MYO16: variants seen among roughly 807,000 people sequenced by gnomAD.
The protein encoded by MYO16 is myosin XVI, also known as unconventional myosin-XVI.
Under a neutral mutation model 205.3 loss-of-function variants are expected in MYO16, and 94 were observed. The ratio of observed to expected loss-of-function variants is 0.46; its 90% CI spans 0.39 to 0.54. The LOEUF (loss-of-function observed/expected upper bound fraction) is 0.54. Ranked by LOEUF, MYO16 falls within the 20% of genes least tolerant of loss-of-function variation. The pLI is 0.00. For missense variants in MYO16, 2,315 were observed against 2,387.5 expected, an observed-to-expected ratio of 0.97 and a Z score of 0.63; for synonymous variants, 988 against 954.0, an observed-to-expected ratio of 1.04 and a Z score of -0.66.
chr13:108,568,056 CTG>C, the MYO16 span, among the ~76,000 whole-genome samples: 15 of 152,178 alleles, frequency 9.9e-5, no homozygotes, highest in Non-Finnish European at 2.2e-4. Flanking sequence ...GTTTTTAACA[CTG>C]TATTCAGTAT....
At chr13:109,040,220 A>G (rs568527665) in intron 23 of MYO16, among the ~76,000 whole-genome samples, 2 of 152,114 alleles carry the variant, frequency 1.3e-5, no homozygotes, top group South Asian at 4.1e-4. Flanking sequence ...AGATTGTTTC[A>G]CTGGAGAATT....
At chr13:108,761,153 A>G (rs4578514) in intron 4 of MYO16, among the ~76,000 whole-genome samples, 83,742 of 152,002 alleles carry the variant, frequency 0.55, 23,290 homozygotes, top group East Asian at 0.63. Context: ...CAGGGCTCCA[A>G]GCCAAGTGCA....
intron 16 of MYO16, among the ~76,000 whole-genome samples, chr13:108,914,129 ATATG>A (rs1285048624): frequency 6.7e-6 from 1 of 149,212 alleles, no homozygotes; most frequent in African/African-American, 2.4e-5. Context: ...TATTGTTAAT[ATATG>A]TATTATATAT....
chr13:108,516,070 C>G, the MYO16 span, among the ~76,000 whole-genome samples: 1 of 147,268 alleles, frequency 6.8e-6, no homozygotes, highest in Non-Finnish European at 1.5e-5. Flanking sequence ...CGCCCCTCCC[C>G]CAGCCTCGTT....
chr13:108,955,159 A>G lies in MYO16; in HGVS notation c.1926-2529A>G, dbSNP rs143306279. Among the ~76,000 whole-genome samples, 704 of 152,282 alleles carry G rather than the reference A, an allele frequency of 4.6e-3. 4 individuals are homozygous for G. Among genetic ancestry groups the G allele is most frequent in the African/African-American group, 0.016 (646 of 41,548 alleles). The stretch of plus-strand genomic sequence containing the variant: ...TGAGATGGCACCAGCCTTCAGGGTC[A>G]TGTTTGTCACCTTACCTGTGTCGTC... On this transcript the variant is annotated intron_variant, in intron 16 of 34. Transcript: ENST00000457511.
intron 28 of MYO16, among the ~76,000 whole-genome samples, chr13:109,110,596 C>G (rs1311976996): frequency 6.6e-6 from 1 of 152,164 alleles, no homozygotes; most frequent in Non-Finnish European, 1.5e-5. Flanking sequence ...ACAAAGAGAA[C>G]ATGTATTTTC....
chr13:109,127,935 TATG>T lies in MYO16; in HGVS notation c.4051+388_4051+390del, dbSNP rs1477388501. Among the ~76,000 whole-genome samples, 5 of 151,384 alleles carry T rather than the reference TATG, an allele frequency of 3.3e-5. No individual in the cohort carries two copies. Among genetic ancestry groups the T allele is most frequent in the Non-Finnish European group, 7.4e-5 (5 of 67,880 alleles). On this transcript the variant is annotated intron_variant, in intron 31 of 34. Coordinates refer to ENST00000457511, the MANE Select transcript of MYO16 (RefSeq NM_001198950.3). The surrounding 1 kb of genome is among the most constrained non-coding windows in gnomAD (Gnocchi z 4.2). ...ATAAAAAATTAAGACTGCTTCATCA[TATG>T]ATAAGTGAAATTATTTACCCATAGG...
chr13:108,535,479 A>G, the MYO16 span, among the ~76,000 whole-genome samples: 4 of 152,162 alleles, frequency 2.6e-5, no homozygotes, highest in African/African-American at 9.7e-5. Flanking sequence ...ACATTCTCAC[A>G]TTTTAACTTT....
At chr13:108,692,537 T>G (rs1427845827) in intron 2 of MYO16, among the ~76,000 whole-genome samples, 1 of 152,100 alleles carries the variant, frequency 6.6e-6, no homozygotes, top group African/African-American at 2.4e-5. Flanking sequence ...TGGGAAGGAG[T>G]AGGCTTTGGC....
chr13:109,156,609 G>A (rs2139851059), intron 32 of MYO16, among the ~76,000 whole-genome samples: 1 of 152,274 alleles, frequency 6.6e-6, no homozygotes, highest in Middle Eastern at 3.4e-3. Context: ...AGGTACCTAA[G>A]AGAAAAGTGG....
the MYO16 span, among the ~76,000 whole-genome samples, chr13:108,495,882 C>T: frequency 6.6e-6 from 1 of 151,976 alleles, no homozygotes; most frequent in African/African-American, 2.4e-5. Flanking sequence ...CGGCCATCGC[C>T]GCGTCGCCTG....
At chr13:108,749,510 C>T (rs1421892214) in intron 4 of MYO16, among the ~76,000 whole-genome samples, 3 of 152,088 alleles carry the variant, frequency 2.0e-5, no homozygotes, top group Non-Finnish European at 4.4e-5. Flanking sequence ...ATAAGCATAC[C>T]AAAAGATGCT....
chr13:108,560,028 T>G, the MYO16 span, among the ~76,000 whole-genome samples: 5 of 152,212 alleles, frequency 3.3e-5, no homozygotes, highest in African/African-American at 1.2e-4. Context: ...GTCCTGCAAG[T>G]GGGCTCATGT....
intron 2 of MYO16, among the ~76,000 whole-genome samples, chr13:108,667,879 C>G (rs1881811096): frequency 6.6e-6 from 1 of 151,998 alleles, no homozygotes; most frequent in African/African-American, 2.4e-5. Context: ...GACCCCATCT[C>G]TACAAAATAT....
the MYO16 span, among the ~76,000 whole-genome samples, chr13:108,560,118 T>C: frequency 6.6e-6 from 1 of 152,220 alleles, no homozygotes; most frequent in South Asian, 2.1e-4. Context: ...ACCAGAGATT[T>C]TCTTTTCTAA....
chr13:108,715,557 G>A (rs1398710763), intron 3 of MYO16, among the ~76,000 whole-genome samples: 2 of 152,180 alleles, frequency 1.3e-5, no homozygotes, highest in East Asian at 3.8e-4. Flanking sequence ...GAGATGCTCA[G>A]TAGATTTGTT....
At chr13:109,151,959 A>C (rs544498443) in intron 32 of MYO16, among the ~76,000 whole-genome samples, 1 of 152,296 alleles carries the variant, frequency 6.6e-6, no homozygotes, top group South Asian at 2.1e-4. Flanking sequence ...GACTGGCTTT[A>C]ACAGCAGGAT....
intron 16 of MYO16, among the ~76,000 whole-genome samples, chr13:108,956,590 G>C (rs558181430): frequency 6.6e-6 from 1 of 151,798 alleles, no homozygotes; most frequent in African/African-American, 2.4e-5. Context: ...TCATCTCACC[G>C]TAGGCTCCAA....
Position 108,968,581 on chromosome 13 carries a change from G to A in MYO16, c.2369+3679G>A, listed in dbSNP as rs573604751. Among the ~76,000 whole-genome samples, 14 of 152,190 alleles carry A rather than the reference G, an allele frequency of 9.2e-5. 1 individual carries two copies. Among genetic ancestry groups the A allele is most frequent in the East Asian group, 3.9e-4 (2 of 5,166 alleles). On this transcript the variant is annotated intron_variant, in intron 20 of 34. Coordinates refer to ENST00000457511, the MANE Select transcript of MYO16 (RefSeq NM_001198950.3). ...GCGGAGGTTGCAGTAAGCCGAGATC[G>A]TGCCACTGTAGTCCCACCTGGGCAA... is the stretch of plus-strand genomic sequence containing the variant.
Sources: gnomAD v4.1 joint callset for allele counts (sites outside exome capture counted in the v4.1 genomes callset) on GRCh38, gnomAD v4.1.1 for gene constraint, Gnocchi (gnomAD v3.1) non-coding constraint, MANE v1.5 for transcripts, NCBI Gene and HGNC (gene_info 2026-07-23, HGNC 2026-07-21) for gene names.